Variants in EPB41 observed in about 807,000 individuals in gnomAD.
EPB41 encodes protein 4.1.
A neutral mutation model predicts 108.0 loss-of-function variants in EPB41; 65 were observed. That is an observed-to-expected ratio of 0.60 (90% CI 0.49 to 0.74). The LOEUF (loss-of-function observed/expected upper bound fraction) is 0.74. Among genes scored for constraint, EPB41 ranks in the 30% least tolerant of loss-of-function variants. The pLI, the probability that EPB41 is intolerant of heterozygous loss-of-function variation, is 0.00. For synonymous variants in EPB41, 336 were observed against 358.9 expected (o/e 0.94, Z 0.72); for missense variants, 875 against 1,037.0 (o/e 0.84, Z 2.15).
rs75672790 is a variant in EPB41, at chr1:28,946,309, G to A, written c.-8+31541G>A. Among the ~76,000 whole-genome samples the A allele has an allele frequency of 4.3e-3, 658 of 151,792 alleles. 4 individuals are homozygous for A. Among genetic ancestry groups the A allele is most frequent in the African/African-American group, 0.012 (481 of 41,384 alleles). ...CTTGCAGTGCTAAAGGGGTTTCACCGTGTTGGCCAGGATGGTCTTGATCTC... is the reference window on the plus strand; with the variant it reads ...CTTGCAGTGCTAAAGGGGTTTCACCATGTTGGCCAGGATGGTCTTGATCTC... On this transcript the variant is annotated intron_variant, in intron 1 of 20. Transcript: ENST00000343067.
At chr1:28,900,927 T>TTTTA (rs762178029) in intron 1 of EPB41, among the ~76,000 whole-genome samples, 4 of 152,054 alleles carry the variant, frequency 2.6e-5, no homozygotes, top group Non-Finnish European at 5.9e-5. Flanking sequence ...TTTCCTATCT[T>TTTTA]TTTATTTATT....
At chr1:29,019,094 A>C (rs2096611508) in intron 7 of EPB41, among the ~76,000 whole-genome samples, 1 of 152,104 alleles carries the variant, frequency 6.6e-6, no homozygotes. Context: ...ATCACCTCAG[A>C]GAAACTAGGG....
intron 15 of EPB41, 21 bp downstream of exon 15, chr1:29,060,505 TATTTC>T (rs774701126): frequency 6.2e-7 from 1 of 1,601,294 alleles, no homozygotes; most frequent in East Asian, 2.2e-5. Context: ...ACTTGAAGCT[TATTTC>T]AGTTGGTTGC....
At chr1:29,037,765 G>A (rs1437875349) in intron 10 of EPB41, among the ~76,000 whole-genome samples, 1 of 151,774 alleles carries the variant, frequency 6.6e-6, no homozygotes, top group Non-Finnish European at 1.5e-5. Flanking sequence ...TCGAACTCCT[G>A]ACAAGTGATC....
intron 19 of EPB41, among the ~76,000 whole-genome samples, chr1:29,114,572 G>A (rs1670247691): frequency 1.3e-5 from 2 of 149,076 alleles, no homozygotes; most frequent in Admixed American, 6.8e-5. Flanking sequence ...GAACCCAGGA[G>A]GCAGAGGTTT....
intron 16 of EPB41, chr1:29,070,663 G>C: frequency 8.1e-7 from 1 of 1,231,790 alleles, no homozygotes; most frequent in Non-Finnish European, 1.0e-6. Context: ...TTGAACTTCT[G>C]TCCTTGGCTT....
chr1:28,966,448 A>G (rs1223722492), intron 1 of EPB41, among the ~76,000 whole-genome samples: 2 of 152,172 alleles, frequency 1.3e-5, no homozygotes, highest in African/African-American at 4.8e-5. Flanking sequence ...TTTTTGGTGC[A>G]ACATTCTGGG....
chr1:29,108,909 G>A (rs925971370), intron 17 of EPB41, among the ~76,000 whole-genome samples: 1 of 148,170 alleles, frequency 6.7e-6, no homozygotes, highest in African/African-American at 2.5e-5. Flanking sequence ...AAAAAAAGAG[G>A]TTACCCTGGC....
Position 29,039,317 on chromosome 1 carries a change from C to T in EPB41, c.1527C>T (p.Tyr509=). ...TTGCGCTAGGATCCAAATTTCGATACAGTGGCCGGACTCAAGCTCAGACCA... is the reference window on the plus strand; with the variant it reads ...TTGCGCTAGGATCCAAATTTCGATATAGTGGCCGGACTCAAGCTCAGACCA... ...KFLALGSKFR[Y]SGRTQAQTRQ... Residue 509 remains tyrosine, a synonymous_variant, in exon 11 of 21, where the codon TAC becomes TAT. Coordinates refer to ENST00000343067, the MANE Select transcript of EPB41 (RefSeq NM_001376013.1). 6.2e-7 allele frequency: 1 copy of T among 1,614,150 alleles called. No individual in the cohort carries two copies. Among genetic ancestry groups the T allele is most frequent in the Non-Finnish European group, 8.5e-7 (1 of 1,180,044 alleles).
chr1:29,094,603 C>T (rs1558295293), intron 16 of EPB41, among the ~76,000 whole-genome samples: 1 of 152,118 alleles, frequency 6.6e-6, no homozygotes, highest in Non-Finnish European at 1.5e-5. Context: ...GTTACTGTAG[C>T]GTTGTAGCGA....
At chr1:29,081,628 G>C (rs866294401) in intron 16 of EPB41, among the ~76,000 whole-genome samples, 4 of 152,286 alleles carry the variant, frequency 2.6e-5, no homozygotes, top group Middle Eastern at 3.4e-3. Context: ...CTGAGGTCGG[G>C]AGTTTGAGAC....
rs189170986 is a variant in EPB41, at chr1:28,995,345, C to T, written c.681+1803C>T. 3.8e-3 allele frequency among the ~76,000 whole-genome samples: 574 copies of T among 152,190 alleles called. 6 individuals are homozygous for T. Among genetic ancestry groups the T allele is most frequent in the African/African-American group, 0.013 (534 of 41,526 alleles). On this transcript the variant is annotated intron_variant, in intron 3 of 20. Coordinates refer to ENST00000343067, the MANE Select transcript of EPB41 (RefSeq NM_001376013.1). ...TTGGGAGGCCGAGGCAGGTGGATCA[C>T]GAGGTCAAGAAATCGAGACCATACT... is the stretch of plus-strand genomic sequence containing the variant.
Position 29,097,405 on chromosome 1 carries a change from G to A in EPB41, c.2185-402G>A, listed in dbSNP as rs1663584239. ...GCCACTGCTGTTTCATGTACCATTC[G>A]TACTTAGTGGAGGAAATGTGGCTGA... On this transcript the variant is annotated intron_variant, in intron 16 of 20. Coordinates refer to ENST00000343067, the MANE Select transcript of EPB41 (RefSeq NM_001376013.1). 1.8e-5 allele frequency: 5 copies of A among 277,960 alleles called. No homozygotes were observed. The Admixed American group carries it at 2.0e-4, about 11-fold the overall frequency. 17.2% of individuals were successfully genotyped at this position (277,960 alleles called of 1,614,324 possible).
chr1:29,085,365 G>A (rs182946972), intron 16 of EPB41, among the ~76,000 whole-genome samples: 7 of 151,864 alleles, frequency 4.6e-5, no homozygotes, highest in Middle Eastern at 3.4e-3. Flanking sequence ...GGCTGGTTTC[G>A]AACTCCTGAT....
chr1:28,938,853 T>C (rs2094159668), intron 1 of EPB41, among the ~76,000 whole-genome samples: 1 of 152,240 alleles, frequency 6.6e-6, no homozygotes, highest in African/African-American at 2.4e-5. Context: ...GTTAACTTGC[T>C]TGTTAGAACT....
Position 28,987,637 on chromosome 1 carries a change from C to T in EPB41, c.200C>T (p.Thr67Ile). The change falls in exon 2 of 21, where the codon ACC (threonine) becomes ATC (isoleucine). Residue 67 changes from threonine (T) to isoleucine (I), a missense_variant. By Grantham distance (89) the Thr-to-Ile change is moderately conservative. Transcript: ENST00000343067. The part of the protein sequence containing the change: ...NGDTPTHEDL[T>I]KNKERTSESR... The stretch of plus-strand genomic sequence containing the variant: ...GACACTCCTACACATGAAGACTTGA[C>T]CAAGAACAAGGAGCGGACATCAGAA... 1 of 1,614,174 alleles carries T rather than the reference C, an allele frequency of 6.2e-7. No individual in the cohort carries two copies. The highest frequency in any genetic ancestry group is 8.5e-7 in the Non-Finnish European group (1 of 1,180,044).
In EPB41 at chr1:29,065,018, C is replaced by T. The variant is rs1183376723; in HGVS notation, c.2044C>T (p.His682Tyr). 1.2e-6 allele frequency: 2 copies of T among 1,613,994 alleles called. No individual in the cohort carries two copies. The highest frequency in any genetic ancestry group is 1.7e-6 in the Non-Finnish European group (2 of 1,180,030). The change falls in exon 16 of 21, where the codon CAT becomes TAT. Residue 682 changes from histidine (H) to tyrosine (Y), a missense_variant. By Grantham distance (83) the His-to-Tyr change is moderately conservative. Around this residue, in one of 3 missense-constraint regions of EPB41, gnomAD observed 519 missense variants for 627.3 expected, o/e 0.83. Transcript: ENST00000343067. ...GAGTCAAGAGGAGATCAAAAAACAT[C>T]ATGCCAGCATCAGTGAGCTGAAAAA... ...DKSQEEIKKH[H>Y]ASISELKKNF... is the part of the protein sequence containing the mutation.
At chr1:29,030,575 A>G (rs1448450676) in intron 8 of EPB41, 88 bp downstream of exon 8, 4 of 1,039,786 alleles carry the variant, frequency 3.8e-6, no homozygotes, top group Non-Finnish European at 6.0e-6. Context: ...TCTGTGTCAT[A>G]TAATACTTTT....
At position 28,887,378 on chromosome 1, in the gene EPB41, G is replaced by C; in HGVS notation, c.-8+168G>C. ...GTCCCGAATTCCAGAATCCGAACTTGGGGTCCAAAGGAGTCTGGGCATCTT... is the reference window on the plus strand; with the variant it reads ...GTCCCGAATTCCAGAATCCGAACTTCGGGTCCAAAGGAGTCTGGGCATCTT... On this transcript the variant is annotated intron_variant, in intron 1 of 16. Transcript: ENST00000347529. This position sits in a 1 kb window ranked among gnomAD's most constrained non-coding sequence, Gnocchi z 4.9. The C allele has an allele frequency of 1.0e-6, 1 of 985,412 alleles. No homozygotes were observed. Among genetic ancestry groups the C allele is most frequent in the South Asian group, 4.7e-5 (1 of 21,288 alleles). The allele number at this position is 985,412 out of a possible 1,614,324, so 61.0% of individuals were successfully genotyped here.
Sources: gnomAD v4.1 joint callset for allele counts (sites outside exome capture counted in the v4.1 genomes callset) on GRCh38, gnomAD v4.1.1 for gene constraint, gnomAD v4.1.1 regional missense constraint, Gnocchi (gnomAD v3.1) non-coding constraint, MANE v1.5 for transcripts, NCBI Gene and HGNC (gene_info 2026-07-23, HGNC 2026-07-21) for gene names.